ADCY1: variants seen among roughly 807,000 people sequenced by gnomAD.
ADCY1 encodes adenylate cyclase type 1.
In ADCY1, 28 loss-of-function variants were observed where a neutral mutation model predicts 105.4. The observed-to-expected ratio is 0.27, with a 90% CI of 0.20 to 0.36. The LOEUF is 0.36. ADCY1 is among the 10% of genes least tolerant of loss of function. The pLI, the probability that ADCY1 is intolerant of heterozygous loss-of-function variation, is 1.00. For missense variants in ADCY1, 977 were observed against 1,434.2 expected (o/e 0.68, Z 5.15); for synonymous variants, 655 against 623.8 (o/e 1.05, Z -0.75).
At chr7:45,610,768 T>A (rs1562687008) in intron 3 of ADCY1, among the ~76,000 whole-genome samples, 3 of 140,916 alleles carry the variant, frequency 2.1e-5, no homozygotes, top group Non-Finnish European at 3.1e-5. Context: ...GTAGAGGTGA[T>A]AGTGGAGGTG....
chr7:45,638,481 CTTT>C (rs34719678), intron 4 of ADCY1, among the ~76,000 whole-genome samples: 37 of 132,706 alleles, frequency 2.8e-4, no homozygotes, highest in African/African-American at 5.9e-4. Context: ...CAGTTTGCTC[CTTT>C]TTTTTTTTTT....
Position 45,641,932 on chromosome 7 carries a change from C to CAAAAA in ADCY1, c.1021-6728_1021-6724dup, listed in dbSNP as rs56808890. Among the ~76,000 whole-genome samples, 160 of 36,402 alleles carry CAAAAA rather than the reference C, an allele frequency of 4.4e-3. 19 individuals are homozygous for CAAAAA. Among genetic ancestry groups the CAAAAA allele is most frequent in the African/African-American group, 0.014 (148 of 10,904 alleles). 23.9% of individuals were successfully genotyped at this position (36,402 alleles called of 152,430 possible). ...TGGGCGACAGAGCGAGACTCCGTCT[C>CAAAAA]AAAAAAAAAAAAAATGTCTTTTCAT... On this transcript the variant is annotated intron_variant, in intron 4 of 19. Transcript: ENST00000297323.
At position 45,575,605 on chromosome 7, in the gene ADCY1, C is replaced by T. The variant is rs1308275830; in HGVS notation, c.639+423C>T. On this transcript the variant is annotated intron_variant, in intron 1 of 19. Coordinates refer to ENST00000297323, the MANE Select transcript of ADCY1 (RefSeq NM_021116.4). The surrounding 1 kb of genome is among the most constrained non-coding windows in gnomAD (Gnocchi z 4.7). Reference sequence around the variant, plus strand: ...GGCCGGCTCTGCGCGCAGCGCTGGGCTCTTCCCCTGCGCACCTAGAGCGCG... The same window carrying T: ...GGCCGGCTCTGCGCGCAGCGCTGGGTTCTTCCCCTGCGCACCTAGAGCGCG... Among the ~76,000 whole-genome samples, 1 of 152,256 alleles carries T rather than the reference C, an allele frequency of 6.6e-6. No homozygotes were observed. The highest frequency in any genetic ancestry group is 1.5e-5 in the Non-Finnish European group (1 of 68,048).
Position 45,575,279 on chromosome 7 carries a change from G to T in ADCY1, c.639+97G>T, listed in dbSNP as rs1290696428. Reference sequence around the variant, plus strand: ...TCGGGCGCGCTTTTTCCTATGCGGCGGGTGGGGACACTGAGGCTCCGAGTG... The same window carrying T: ...TCGGGCGCGCTTTTTCCTATGCGGCTGGTGGGGACACTGAGGCTCCGAGTG... On this transcript the variant is annotated intron_variant, in intron 1 of 19. Coordinates refer to ENST00000297323, the MANE Select transcript of ADCY1 (RefSeq NM_021116.4). The surrounding 1 kb of genome is among the most constrained non-coding windows in gnomAD (Gnocchi z 4.7). 8 of 1,438,710 alleles carry T rather than the reference G, an allele frequency of 5.6e-6. No homozygotes were observed. In the East Asian group the frequency reaches 7.2e-5, roughly 13 times the overall value. 89.1% of individuals were successfully genotyped at this position (1,438,710 alleles called of 1,614,324 possible). A position where few individuals can be genotyped will look rare whatever the true frequency, so the allele number is the denominator to read the frequency against.
chr7:45,599,921 C>T (rs1318691818), intron 2 of ADCY1, among the ~76,000 whole-genome samples: 3 of 152,236 alleles, frequency 2.0e-5, no homozygotes, highest in Non-Finnish European at 2.9e-5. Context: ...CCGCCTTGAG[C>T]GGCCTTGCCA....
intron 17 of ADCY1, among the ~76,000 whole-genome samples, chr7:45,705,793 C>T (rs1462974560): frequency 6.6e-6 from 1 of 152,036 alleles, no homozygotes; most frequent in Admixed American, 6.5e-5. Flanking sequence ...GTAGAAAATG[C>T]AGAAGAATTA....
At chr7:45,671,272 C>G (rs930893336) in intron 8 of ADCY1, among the ~76,000 whole-genome samples, 2 of 147,766 alleles carry the variant, frequency 1.4e-5, no homozygotes, top group Non-Finnish European at 3.0e-5. Context: ...ATAGTGCCTT[C>G]CTTTCATTGC....
At chr7:45,661,003 G>T (rs1239728109) in intron 7 of ADCY1, among the ~76,000 whole-genome samples, 1 of 149,096 alleles carries the variant, frequency 6.7e-6, no homozygotes, top group Admixed American at 6.7e-5. Flanking sequence ...TCAGGTGAGG[G>T]ATTCAGGGCT....
chr7:45,637,757 T>C (rs887838612), intron 4 of ADCY1, among the ~76,000 whole-genome samples: 11 of 152,164 alleles, frequency 7.2e-5, no homozygotes, highest in African/African-American at 2.7e-4. Context: ...TTAAAAAACA[T>C]TTCTTGTAGT....
At chr7:45,594,957 G>A (rs1275995531) in intron 2 of ADCY1, among the ~76,000 whole-genome samples, 1 of 152,090 alleles carries the variant, frequency 6.6e-6, no homozygotes, top group Non-Finnish European at 1.5e-5. Context: ...CACAGACATA[G>A]CTACTGGTGT....
At chr7:45,690,707 C>T (rs1385840149) in intron 14 of ADCY1, among the ~76,000 whole-genome samples, 2 of 152,220 alleles carry the variant, frequency 1.3e-5, no homozygotes, top group Non-Finnish European at 2.9e-5. Context: ...TGGCCAGCTG[C>T]AGTTTGCTAA....
chr7:45,708,413 G>C lies in ADCY1; in HGVS notation c.2881G>C (p.Val961Leu), dbSNP rs373406969. The change falls in exon 18 of 20, where the codon GTT becomes CTT. Residue 961 changes from valine to leucine, a missense_variant. Val to Leu is a conservative substitution (Grantham distance 32). This residue lies in a region of ADCY1 where 152 missense variants were observed against 293.7 expected (regional missense o/e 0.52). Coordinates refer to ENST00000297323, the MANE Select transcript of ADCY1 (RefSeq NM_021116.4). The surrounding 1 kb of genome is among the most constrained non-coding windows in gnomAD (Gnocchi z 4.7). ...GGACTTTGCCATTGAGATGTTTGAC[G>C]TTCTGGATGAAATCAACTACCAGTC... is the stretch of plus-strand genomic sequence containing the variant. Reference protein sequence around the residue: ...LADFAIEMFDVLDEINYQSYN... With the variant: ...LADFAIEMFDLLDEINYQSYN... The C allele has an allele frequency of 6.2e-7, 1 of 1,614,172 alleles. No individual in the cohort carries two copies. The highest frequency in any genetic ancestry group is 1.1e-5 in the South Asian group (1 of 91,080).
chr7:45,673,683 C>T (rs1352081593), intron 8 of ADCY1, among the ~76,000 whole-genome samples: 1 of 151,712 alleles, frequency 6.6e-6, no homozygotes, highest in Non-Finnish European at 1.5e-5. Flanking sequence ...CAGTGATTTG[C>T]CAACTTGATT....
chr7:45,603,329 A>AGAATT (rs1235702219), intron 2 of ADCY1, among the ~76,000 whole-genome samples: 1 of 152,218 alleles, frequency 6.6e-6, no homozygotes, highest in Non-Finnish European at 1.5e-5. Flanking sequence ...ACCTAGGAGT[A>AGAATT]GAATTGCTAG....
Position 45,721,164 on chromosome 7 carries a change from T to C in ADCY1, c.*7169T>C, listed in dbSNP as rs2116309474. ...GGTGGGTTCTGAATGCAGCCAAGGC[T>C]GTCCCCGCAATGGGTGAGACTCGCT... On this transcript the variant is annotated 3_prime_UTR_variant, in exon 20 of 20. Transcript: ENST00000297323. The C allele has an allele frequency of 6.6e-6, 1 of 152,372 alleles. No homozygotes were observed. Among genetic ancestry groups the C allele is most frequent in the East Asian group, 1.9e-4 (1 of 5,188 alleles). 9.4% of individuals were successfully genotyped at this position (152,372 alleles called of 1,614,324 possible).
At chr7:45,580,043 T>A (rs1170134451) in intron 1 of ADCY1, among the ~76,000 whole-genome samples, 2 of 150,968 alleles carry the variant, frequency 1.3e-5, no homozygotes, top group Non-Finnish European at 3.0e-5. Flanking sequence ...GGCTTATCCT[T>A]CCTCAAGGGC....
chr7:45,643,416 T>C (rs926050641), intron 4 of ADCY1, among the ~76,000 whole-genome samples: 1 of 152,204 alleles, frequency 6.6e-6, no homozygotes, highest in African/African-American at 2.4e-5. Context: ...TCTTTCCATA[T>C]ATAGTAGGCT....
intron 8 of ADCY1, chr7:45,664,482 C>A: frequency 6.7e-7 from 1 of 1,484,936 alleles, no homozygotes; most frequent in Non-Finnish European, 8.9e-7. Flanking sequence ...CTTCTCTCAG[C>A]ACTCTCTCCT....
chr7:45,652,929 C>T (rs1794849169), intron 5 of ADCY1, among the ~76,000 whole-genome samples: 1 of 152,236 alleles, frequency 6.6e-6, no homozygotes, highest in Non-Finnish European at 1.5e-5. Context: ...TGGGCTCCTG[C>T]AGATGGCCCT....
Sources: gnomAD v4.1 joint callset for allele counts (sites outside exome capture counted in the v4.1 genomes callset) on GRCh38, gnomAD v4.1.1 for gene constraint, gnomAD v4.1.1 regional missense constraint, Gnocchi (gnomAD v3.1) non-coding constraint, MANE v1.5 for transcripts, NCBI Gene and HGNC (gene_info 2026-07-23, HGNC 2026-07-21) for gene names.